Variants in RYR3 observed in about 807,000 individuals in gnomAD.
RYR3 encodes ryanodine receptor 3, also known as brain ryanodine receptor-calcium release channel.
A neutral mutation model predicts 584.3 loss-of-function variants in RYR3; 207 were observed. That is an observed-to-expected ratio of 0.35 (90% CI 0.32 to 0.40). RYR3 has a LOEUF of 0.40. RYR3 is among the 10% of genes least tolerant of loss of function. RYR3 has a pLI of 1.00. For missense variants in RYR3, 5,616 were observed against 6,089.2 expected (o/e 0.92, Z 2.59); for synonymous variants, 2,416 against 2,248.5 (o/e 1.07, Z -2.11).
chr15:33,735,583 G>A (rs2069382288), intron 48 of RYR3, among the ~76,000 whole-genome samples: 1 of 152,060 alleles, frequency 6.6e-6, no homozygotes, highest in Non-Finnish European at 1.5e-5. Flanking sequence ...TTTTTTTAAA[G>A]TTTGGCAATG....
chr15:33,676,177 G>A (rs1000918603), intron 38 of RYR3, among the ~76,000 whole-genome samples: 10 of 151,784 alleles, frequency 6.6e-5, no homozygotes, highest in African/African-American at 2.2e-4. Flanking sequence ...CATGAAAAGG[G>A]TGTGGCTTAA....
Position 33,498,752 on chromosome 15 carries a change from C to T in RYR3, c.172-4879C>T, listed in dbSNP as rs868307919. ...CTTTCTTATTCATAAAATATTTGTC[C>T]ACACCAATGTCCTGAATCATTTTTA... On this transcript the variant is annotated intron_variant, in intron 2 of 103. Coordinates refer to ENST00000634891, the MANE Select transcript of RYR3 (RefSeq NM_001036.6). 5.9e-5 allele frequency among the ~76,000 whole-genome samples: 9 copies of T among 151,872 alleles called. No homozygotes were observed. The South Asian group carries it at 1.9e-3, about 32-fold the overall frequency.
chr15:33,605,694 T>C (rs1330896294), intron 18 of RYR3, among the ~76,000 whole-genome samples: 2 of 152,176 alleles, frequency 1.3e-5, no homozygotes, highest in Non-Finnish European at 2.9e-5. Flanking sequence ...ACAGGGAACA[T>C]ATATCTTGCA....
intron 1 of RYR3, among the ~76,000 whole-genome samples, chr15:33,446,426 A>G (rs1426690338): frequency 6.6e-6 from 1 of 152,238 alleles, no homozygotes; most frequent in African/African-American, 2.4e-5. Flanking sequence ...GTGGCTTAAC[A>G]GAAATCTATT....
At chr15:33,397,132 A>G (rs74969961) in intron 1 of RYR3, among the ~76,000 whole-genome samples, 2,415 of 152,268 alleles carry the variant, frequency 0.016, 70 homozygotes, top group African/African-American at 0.055. Flanking sequence ...AAGAAAATTT[A>G]TTTCTTATAA....
At position 33,714,657 on chromosome 15, in the gene RYR3, T is replaced by C. The variant is rs550261039; in HGVS notation, c.6619+7603T>C. On this transcript the variant is annotated intron_variant, in intron 43 of 103. Transcript: ENST00000634891. ...TTTTCTTAGAGTCCTTGGAGAGTTATAGCGATATCTTCCCCAGACTACAAA... is the reference window on the plus strand; with the variant it reads ...TTTTCTTAGAGTCCTTGGAGAGTTACAGCGATATCTTCCCCAGACTACAAA... Among the ~76,000 whole-genome samples, 12 of 152,364 alleles carry C rather than the reference T, an allele frequency of 7.9e-5. No homozygotes were observed. In the South Asian group the frequency reaches 2.5e-3, roughly 32 times the overall value.
chr15:33,844,890 CAG>C lies in RYR3; in HGVS notation c.13328_13329del (p.Glu4443GlyfsTer10). Reference sequence around the variant, plus strand: ...ACTGAAGAACCTTTAGAAGAAGAGACAGAGGATGTTGCAAACCTATGGAATTC... The same window carrying C: ...ACTGAAGAACCTTTAGAAGAAGAGACAGGATGTTGCAAACCTATGGAATTC... On this transcript the variant is annotated frameshift_variant, in exon 93 of 104. Coordinates refer to ENST00000634891, the MANE Select transcript of RYR3 (RefSeq NM_001036.6). LOFTEE classifies it high-confidence loss of function. 1 of 1,613,916 alleles carries C rather than the reference CAG, an allele frequency of 6.2e-7. No homozygotes were observed. Among genetic ancestry groups the C allele is most frequent in the Non-Finnish European group, 8.5e-7 (1 of 1,179,854 alleles).
At chr15:33,739,722 C>T (rs2069881859) in intron 50 of RYR3, 110 bp from the exon 51 acceptor site, 1 of 874,648 alleles carries the variant, frequency 1.1e-6, no homozygotes, top group Non-Finnish European at 1.7e-6. Flanking sequence ...TTTGGTTAAC[C>T]TGGATAAATG....
intron 1 of RYR3, among the ~76,000 whole-genome samples, chr15:33,376,263 T>G (rs747597703): frequency 1.3e-4 from 20 of 152,306 alleles, no homozygotes; most frequent in Middle Eastern, 6.8e-3. Flanking sequence ...AACCTAATGA[T>G]TTTAAGATAA....
chr15:33,752,959 T>C (rs1018747300), intron 57 of RYR3, among the ~76,000 whole-genome samples: 17 of 149,868 alleles, frequency 1.1e-4, no homozygotes, highest in Admixed American at 2.6e-4. Context: ...ACCTAGTTTA[T>C]TGAGAGTTTT....
chr15:33,810,347 T>C, intron 70 of RYR3, 132 bp from the exon 71 acceptor site: 1 of 775,654 alleles, frequency 1.3e-6, no homozygotes, highest in Non-Finnish European at 2.1e-6. Context: ...CTCTTTTCAC[T>C]GTCCTTTGAA....
intron 8 of RYR3, among the ~76,000 whole-genome samples, chr15:33,545,657 G>A (rs886761627): frequency 6.6e-6 from 1 of 152,142 alleles, no homozygotes; most frequent in Non-Finnish European, 1.5e-5. Context: ...TTGATGTCTA[G>A]GTGAAGTGAG....
chr15:33,862,615 GTTTTGTTT>G (rs1888725812), intron 102 of RYR3, among the ~76,000 whole-genome samples: 2 of 152,110 alleles, frequency 1.3e-5, no homozygotes, highest in Admixed American at 6.6e-5. Flanking sequence ...AAAAACATGA[GTTTTGTTT>G]TTTTATTTAT....
intron 23 of RYR3, among the ~76,000 whole-genome samples, chr15:33,632,657 T>TG (rs2061326421): frequency 6.6e-6 from 1 of 152,262 alleles, no homozygotes; most frequent in South Asian, 2.1e-4. Context: ...GTGCCCATTA[T>TG]TTCTAGAGAA....
chr15:33,773,667 T>TA, intron 64 of RYR3, 52 bp downstream of exon 64: 2 of 1,104,410 alleles, frequency 1.8e-6, no homozygotes, highest in Non-Finnish European at 2.7e-6. Flanking sequence ...AAATGTTACT[T>TA]ACAGCCTTTT....
At chr15:33,434,391 G>A (rs1267147144) in intron 1 of RYR3, among the ~76,000 whole-genome samples, 12 of 152,080 alleles carry the variant, frequency 7.9e-5, no homozygotes, top group Non-Finnish European at 2.9e-5. Context: ...CACATTAAGA[G>A]ATTTCAAAGG....
rs1348510025 is a variant in RYR3, at chr15:33,628,588, G to C, written c.2679+13G>C. On this transcript the variant is annotated intron_variant, in intron 21 of 103. Transcript: ENST00000634891. ...GACTTTCGGCAAGGTATGTGTCTCA[G>C]GGCCAGGTTAGGGTGGAGGGTGGGA... is the stretch of plus-strand genomic sequence containing the variant. The C allele has an allele frequency of 4.5e-6, 7 of 1,554,754 alleles. No homozygotes were observed. The highest frequency in any genetic ancestry group is 4.4e-6 in the Non-Finnish European group (5 of 1,126,364).
Position 33,865,234 on chromosome 15 carries a change from T to TCAAAGAAGCGCGACAATTCTGGACAG in RYR3, c.*9_*34dup, listed in dbSNP as rs765138449. The TCAAAGAAGCGCGACAATTCTGGACAG allele has an allele frequency of 5.1e-5, 81 of 1,597,440 alleles. 1 individual carries two copies. Among genetic ancestry groups the TCAAAGAAGCGCGACAATTCTGGACAG allele is most frequent in the Non-Finnish European group, 6.7e-5 (78 of 1,168,818 alleles). ...GAAGATCAGCTTGGATAAATCTGAA[T>TCAAAGAAGCGCGACAATTCTGGACAG]CAAAGAAGCGCGACAATTCTGGACA... On this transcript the variant is annotated 3_prime_UTR_variant, in exon 104 of 104. Transcript: ENST00000634891.
chr15:33,863,724 T>A (rs558319728), intron 102 of RYR3, among the ~76,000 whole-genome samples: 3 of 152,234 alleles, frequency 2.0e-5, no homozygotes, highest in Non-Finnish European at 4.4e-5. Flanking sequence ...ATGACAGATA[T>A]TCTTGAGACA....
Sources: gnomAD v4.1 joint callset for allele counts (sites outside exome capture counted in the v4.1 genomes callset) on GRCh38, gnomAD v4.1.1 for gene constraint, MANE v1.5 for transcripts, NCBI Gene and HGNC (gene_info 2026-07-23, HGNC 2026-07-21) for gene names.